LNPK: variants seen among roughly 807,000 people sequenced by gnomAD.
LNPK encodes the protein endoplasmic reticulum junction formation protein lunapark.
A neutral mutation model predicts 55.2 loss-of-function variants in LNPK; 29 were observed. The observed-to-expected ratio is 0.53, with a 90% CI of 0.39 to 0.72. The LOEUF is 0.72. Among genes scored for constraint, LNPK ranks in the 30% least tolerant of loss-of-function variants. The probability of loss-of-function intolerance (pLI) is 0.00; values close to 1 mark genes in which losing one functional copy is unlikely to be tolerated. For synonymous variants in LNPK, 162 were observed against 168.2 expected (o/e 0.96, Z 0.29); for missense variants, 467 against 494.8 (o/e 0.94, Z 0.53).
chr2:175,963,265 T>C (rs541524980), intron 8 of LNPK, among the ~76,000 whole-genome samples: 1 of 152,192 alleles, frequency 6.6e-6, no homozygotes, highest in Non-Finnish European at 1.5e-5. Context: ...TGTATGTTTA[T>C]TGCGGCATTA....
chr2:176,000,912 A>G (rs1688135331), intron 1 of LNPK, among the ~76,000 whole-genome samples: 1 of 152,180 alleles, frequency 6.6e-6, no homozygotes, highest in East Asian at 1.9e-4. Context: ...GCTTGCTTTC[A>G]TGGTAAGTCA....
intron 4 of LNPK, among the ~76,000 whole-genome samples, chr2:175,982,316 C>T (rs1252084218): frequency 1.3e-5 from 2 of 152,026 alleles, no homozygotes; most frequent in South Asian, 2.1e-4. Context: ...TGAGTAGATA[C>T]TTTTTAAAAA....
At chr2:175,982,440 C>T (rs570005034) in intron 4 of LNPK, among the ~76,000 whole-genome samples, 54 of 152,226 alleles carry the variant, frequency 3.5e-4, no homozygotes, top group Admixed American at 3.5e-3. Context: ...TATCAGAATT[C>T]CTCCTAGATA....
In LNPK at chr2:175,939,614, G is replaced by A. The variant is rs369301283; in HGVS notation, c.750C>T (p.Pro250=). 2 of 1,607,432 alleles carry A rather than the reference G, an allele frequency of 1.2e-6. No homozygotes were observed. Among genetic ancestry groups the A allele is most frequent in the Non-Finnish European group, 1.7e-6 (2 of 1,175,478 alleles). ...TTCTATCCAAAGCACCTCGTTCTCG[G>A]GGGAGAATAGGTCTTGCTAAAGGTG... ...PGPPLARPIL[P]RERGALDRIV... is the part of the protein sequence containing the mutation. Residue 250 remains proline (P), a synonymous_variant, in exon 10 of 13, where the codon CCC becomes CCT. Transcript: ENST00000272748.
chr2:175,979,881 C>A lies in LNPK; in HGVS notation c.258-13G>T. The A allele has an allele frequency of 1.9e-6, 3 of 1,557,188 alleles. No homozygotes were observed. Among genetic ancestry groups the A allele is most frequent in the South Asian group, 1.3e-5 (1 of 79,518 alleles). On this transcript the variant is annotated splice_polypyrimidine_tract_variant and intron_variant, in intron 4 of 12. Coordinates refer to ENST00000272748, the MANE Select transcript of LNPK (RefSeq NM_030650.3). ...TATGCTCCAGATGCTAAAAGGGAAGCAAAATTCAGAAACAAAAAACATCAT... is the reference window on the plus strand; with the variant it reads ...TATGCTCCAGATGCTAAAAGGGAAGAAAAATTCAGAAACAAAAAACATCAT...
upstream of LNPK, chr2:176,002,371 G>C (rs907176862): frequency 1.6e-4 from 59 of 367,216 alleles, no homozygotes; most frequent in Non-Finnish European, 2.7e-4. Context: ...CGTACCCTGG[G>C]CGGGTAGTTG....
chr2:175,964,442 T>C lies in LNPK; in HGVS notation c.442-19A>G, dbSNP rs1177718632. 6.2e-7 allele frequency: 1 copy of C among 1,609,018 alleles called. No individual in the cohort carries two copies. The highest frequency in any genetic ancestry group is 8.5e-7 in the Non-Finnish European group (1 of 1,175,348). On this transcript the variant is annotated intron_variant, in intron 7 of 12. Coordinates refer to ENST00000272748, the MANE Select transcript of LNPK (RefSeq NM_030650.3). ...CACACTCCTGTCAATTATAATAATG[T>C]TATTACAGTGACCTATTACAATGTG...
intron 6 of LNPK, chr2:175,967,615 G>GTTA (rs1488433163): frequency 1.0e-6 from 1 of 981,678 alleles, no homozygotes. Context: ...TAGGGAGCAT[G>GTTA]TTATACCATA....
At chr2:175,960,368 C>G (rs1291636706) in intron 8 of LNPK, among the ~76,000 whole-genome samples, 4 of 152,138 alleles carry the variant, frequency 2.6e-5, no homozygotes, top group African/African-American at 7.2e-5. Context: ...TCTCTCAGAC[C>G]AGGGTGCAAT....
At position 175,939,643 on chromosome 2, in the gene LNPK, C is replaced by A; in HGVS notation, c.721G>T (p.Gly241Cys). ...SVPGMGLHPPGPPLARPILPR... is the reference protein window; with the variant it reads ...SVPGMGLHPPCPPLARPILPR... ...AGAATAGGTCTTGCTAAAGGTGGAC[C>A]TGGAGGATGAAGACCTATTAAATAA... Residue 241 changes from glycine (G) to cysteine (C), a missense_variant, in exon 10 of 13, where the codon GGT (glycine) becomes TGT (cysteine). Gly to Cys is a radical substitution (Grantham distance 159, BLOSUM62 -3). Transcript: ENST00000272748. The A allele has an allele frequency of 6.4e-7, 1 of 1,570,138 alleles. No homozygotes were observed.
At chr2:175,960,086 GACTT>G (rs1288357976) in intron 8 of LNPK, among the ~76,000 whole-genome samples, 3 of 152,038 alleles carry the variant, frequency 2.0e-5, no homozygotes, top group African/African-American at 7.2e-5. Flanking sequence ...CCTACAAAGA[GACTT>G]ACACTCCCAC....
At chr2:176,002,652 A>T (rs1688214663), upstream of LNPK, 1 of 170,986 alleles carries the variant, frequency 5.8e-6, no homozygotes, top group Non-Finnish European at 1.3e-5. Context: ...GTTGAGAAGG[A>T]TGGAGATGGG....
At position 175,956,258 on chromosome 2, in the gene LNPK, T is replaced by C. The variant is rs979743199; in HGVS notation, c.493+8114A>G. Among the ~76,000 whole-genome samples the C allele has an allele frequency of 2.2e-4, 30 of 138,172 alleles. 1 individual carries two copies. Among genetic ancestry groups the C allele is most frequent in the Admixed American group, 3.9e-4 (5 of 12,760 alleles). 90.6% of individuals were successfully genotyped at this position (138,172 alleles called of 152,430 possible). On this transcript the variant is annotated intron_variant, in intron 8 of 12. Transcript: ENST00000272748. ...TGACACCACTGCACTCCAGCCTGGGTGACAGTGAGACCATGTATTCAAAAA... is the reference window on the plus strand; with the variant it reads ...TGACACCACTGCACTCCAGCCTGGGCGACAGTGAGACCATGTATTCAAAAA...
intron 5 of LNPK, among the ~76,000 whole-genome samples, chr2:175,973,283 C>T (rs759868951): frequency 2.0e-5 from 3 of 152,132 alleles, no homozygotes; most frequent in Non-Finnish European, 4.4e-5. Context: ...CAAAATATGA[C>T]AATAAAACTT....
At position 175,930,140 on chromosome 2, in the gene LNPK, C is replaced by A. The variant is rs1300818342; in HGVS notation, c.1114G>T (p.Ala372Ser). 3.1e-6 allele frequency: 5 copies of A among 1,613,552 alleles called. No homozygotes were observed. In the South Asian group the frequency reaches 5.5e-5, roughly 18 times the overall value. Residue 372 changes from alanine to serine, a missense_variant, in exon 13 of 13, where the codon GCT becomes TCT. Ala to Ser is a moderately conservative substitution (Grantham distance 99). Transcript: ENST00000272748. ...NTEQTDDKIPATEQTNQVIEK... is the reference protein window; with the variant it reads ...NTEQTDDKIPSTEQTNQVIEK... ...ATCACTTGGTTTGTCTGTTCTGTAG[C>A]TGGTATTTTGTCATCTGTCTGCTCT...
At position 175,953,649 on chromosome 2, in the gene LNPK, A is replaced by G. The variant is rs374242143; in HGVS notation, c.494-5957T>C. Among the ~76,000 whole-genome samples, 23 of 151,228 alleles carry G rather than the reference A, an allele frequency of 1.5e-4. No homozygotes were observed. The East Asian group carries it at 3.1e-3, about 20-fold the overall frequency. ...CTCTCAAATCTCTTCTTTTTCCCCA[A>G]CGCTATTGCTGTAACCTTATCTAGT... On this transcript the variant is annotated intron_variant, in intron 8 of 12. Coordinates refer to ENST00000272748, the MANE Select transcript of LNPK (RefSeq NM_030650.3).
chr2:175,959,410 T>C (rs1363433267), intron 8 of LNPK, among the ~76,000 whole-genome samples: 2 of 152,132 alleles, frequency 1.3e-5, no homozygotes, highest in African/African-American at 2.4e-5. Context: ...GGGTCAATAT[T>C]CAACATTCTT....
At chr2:175,989,871 T>C (rs1687614359) in intron 4 of LNPK, among the ~76,000 whole-genome samples, 2 of 152,310 alleles carry the variant, frequency 1.3e-5, no homozygotes, top group South Asian at 4.1e-4. Flanking sequence ...TATTAGAGTA[T>C]TGATATTCTA....
In LNPK at chr2:175,923,975, C is replaced by A. The variant is rs1004702510; in HGVS notation, c.*5992G>T. 4 of 152,048 alleles carry A rather than the reference C, an allele frequency of 2.6e-5. No individual in the cohort carries two copies. Among genetic ancestry groups the A allele is most frequent in the Non-Finnish European group, 5.9e-5 (4 of 67,994 alleles). 9.4% of individuals were successfully genotyped at this position (152,048 alleles called of 1,614,324 possible). On this transcript the variant is annotated 3_prime_UTR_variant, in exon 13 of 13. Transcript: ENST00000272748. ...TATATTTATCTGTCTACATTCAGAG[C>A]CTGAATATATTTACTTATTGACCAG... is the stretch of plus-strand genomic sequence containing the variant.
Sources: gnomAD v4.1 joint callset for allele counts (sites outside exome capture counted in the v4.1 genomes callset) on GRCh38, gnomAD v4.1.1 for gene constraint, MANE v1.5 for transcripts, NCBI Gene and HGNC (gene_info 2026-07-23, HGNC 2026-07-21) for gene names.